The following PRKG1 variants were observed in gnomAD, a reference collection of about 807,000 sequenced individuals.
PRKG1 encodes the protein protein kinase cGMP-dependent 1.
In PRKG1, 35 loss-of-function variants were observed where a neutral mutation model predicts 88.1. The observed-to-expected ratio is 0.40, with a 90% CI of 0.30 to 0.53. The LOEUF (loss-of-function observed/expected upper bound fraction) is 0.53. Among genes scored for constraint, PRKG1 ranks in the 20% least tolerant of loss-of-function variants. PRKG1 has a pLI of 0.59. For missense variants in PRKG1, 540 were observed against 839.8 expected (o/e 0.64, Z 4.41); for synonymous variants, 303 against 292.5 (o/e 1.04, Z -0.37).
At chr10:51,850,633 T>C (rs1840528822) in intron 4 of PRKG1, among the ~76,000 whole-genome samples, 1 of 151,506 alleles carries the variant, frequency 6.6e-6, no homozygotes, top group Non-Finnish European at 1.5e-5. Flanking sequence ...ATGTAAAGAG[T>C]TTCTTGAAAT....
In PRKG1 at chr10:52,166,787, C is replaced by CTATATATATATATA. The variant is rs201538311; in HGVS notation, c.1076+4834_1076+4835insTATATATATATATA. 8.0e-4 allele frequency among the ~76,000 whole-genome samples: 10 copies of CTATATATATATATA among 12,448 alleles called. 1 individual carries two copies. Among genetic ancestry groups the CTATATATATATATA allele is most frequent in the African/African-American group, 1.0e-3 (10 of 9,850 alleles). The allele number at this position is 12,448 out of a possible 152,430, so 8.2% of individuals were successfully genotyped here. On this transcript the variant is annotated intron_variant, in intron 9 of 17. Coordinates refer to ENST00000373980, the MANE Select transcript of PRKG1 (RefSeq NM_006258.4). Reference sequence around the variant, plus strand: ...CAGCTATTTCTTCAAATAAAAAAGCCTATATATATACATATATATATGTAT... The same window carrying CTATATATATATATA: ...CAGCTATTTCTTCAAATAAAAAAGCCTATATATATATATATATATATATACATATATATATGTAT...
intron 5 of PRKG1, among the ~76,000 whole-genome samples, chr10:52,043,889 G>A (rs1845805074): frequency 7.1e-6 from 1 of 141,060 alleles, no homozygotes. Flanking sequence ...TAAGTAAACA[G>A]TGTCATTGAA....
chr10:51,711,870 G>A (rs1332453218), intron 3 of PRKG1, among the ~76,000 whole-genome samples: 1 of 152,114 alleles, frequency 6.6e-6, no homozygotes, highest in African/African-American at 2.4e-5. Context: ...ATAAACCAGG[G>A]GGGTAATGAG....
chr10:51,187,916 A>G (rs1414221839), intron 2 of PRKG1, among the ~76,000 whole-genome samples: 1 of 152,056 alleles, frequency 6.6e-6, no homozygotes, highest in Non-Finnish European at 1.5e-5. Context: ...TATTTGACCT[A>G]TGAGACAAAA....
chr10:51,964,648 A>C (rs554972049), intron 5 of PRKG1, among the ~76,000 whole-genome samples: 1 of 152,214 alleles, frequency 6.6e-6, no homozygotes, highest in Non-Finnish European at 1.5e-5. Flanking sequence ...ATAAAAATAG[A>C]TGATCCAGTT....
At chr10:52,013,729 AC>A (rs375415058) in intron 5 of PRKG1, among the ~76,000 whole-genome samples, 17 of 152,086 alleles carry the variant, frequency 1.1e-4, no homozygotes, top group African/African-American at 4.1e-4. Context: ...TGAAGTGGGG[AC>A]CCCTTGATGA....
At chr10:51,544,438 C>T (rs1453179335) in intron 3 of PRKG1, among the ~76,000 whole-genome samples, 1 of 152,066 alleles carries the variant, frequency 6.6e-6, no homozygotes, top group African/African-American at 2.4e-5. Context: ...GCCACATTTT[C>T]TTAATCCAGT....
chr10:52,042,843 T>C (rs1904002), intron 5 of PRKG1, among the ~76,000 whole-genome samples: 133,548 of 152,076 alleles, frequency 0.88, 58,734 homozygotes, highest in East Asian at 1. Flanking sequence ...CATTAATGTC[T>C]GGTCTATGTA....
intron 1 of PRKG1, among the ~76,000 whole-genome samples, chr10:51,127,752 T>A (rs1366901910): frequency 3.9e-5 from 6 of 152,172 alleles, no homozygotes; most frequent in African/African-American, 1.4e-4. Context: ...ATGTGGTACA[T>A]ATACACCATA....
intron 5 of PRKG1, among the ~76,000 whole-genome samples, chr10:51,986,965 C>T (rs1236716778): frequency 6.6e-6 from 1 of 151,864 alleles, no homozygotes; most frequent in African/African-American, 2.4e-5. Context: ...TTTTATTAGG[C>T]TGATTACTAT....
chr10:51,144,346 CACTT>C (rs1459561073), intron 1 of PRKG1, among the ~76,000 whole-genome samples: 1 of 152,056 alleles, frequency 6.6e-6, no homozygotes, highest in East Asian at 1.9e-4. Context: ...CTCTACCTGT[CACTT>C]ACTATTGTGC....
intron 3 of PRKG1, among the ~76,000 whole-genome samples, chr10:51,761,701 T>A (rs889925124): frequency 6.6e-6 from 1 of 152,256 alleles, no homozygotes; most frequent in African/African-American, 2.4e-5. Context: ...AATTTATTTT[T>A]TTCTTACTAT....
At chr10:51,513,936 A>T (rs1171768861) in intron 3 of PRKG1, among the ~76,000 whole-genome samples, 2 of 138,530 alleles carry the variant, frequency 1.4e-5, no homozygotes, top group African/African-American at 2.8e-5. Context: ...AATTAAAAGA[A>T]CTAGAAAAGC....
At chr10:51,512,265 A>G (rs533604104) in intron 3 of PRKG1, among the ~76,000 whole-genome samples, 2 of 147,376 alleles carry the variant, frequency 1.4e-5, no homozygotes, top group South Asian at 4.3e-4. Context: ...ACATATGTAT[A>G]CATGTGCCAT....
At chr10:51,065,979 T>C (rs1843745083) in intron 1 of PRKG1, among the ~76,000 whole-genome samples, 1 of 152,052 alleles carries the variant, frequency 6.6e-6, no homozygotes, top group South Asian at 2.1e-4. Context: ...AGGGAAGAAC[T>C]GAAGATTTAT....
rs145572593 is a variant in PRKG1, at chr10:52,176,917, T to C, written c.1076+14954T>C. ...TAATGTTAAGGGTTTTTGTGGAGTC[T>C]GTAGTTTTTCTCTATATAAGATCAT... is the stretch of plus-strand genomic sequence containing the variant. On this transcript the variant is annotated intron_variant, in intron 9 of 17. Transcript: ENST00000373980. Among the ~76,000 whole-genome samples the C allele has an allele frequency of 3.3e-5, 5 of 152,276 alleles. No individual in the cohort carries two copies. In the South Asian group the frequency reaches 6.2e-4, roughly 19 times the overall value.
chr10:51,862,250 C>G (rs1255427556), intron 4 of PRKG1, among the ~76,000 whole-genome samples: 1 of 152,160 alleles, frequency 6.6e-6, no homozygotes, highest in Non-Finnish European at 1.5e-5. Flanking sequence ...CATGTCACAG[C>G]TCATTTAGTC....
chr10:51,006,737 T>C (rs960818454), intron 1 of PRKG1, among the ~76,000 whole-genome samples: 2 of 152,082 alleles, frequency 1.3e-5, no homozygotes, highest in African/African-American at 4.8e-5. Flanking sequence ...CATTACAATA[T>C]AAACTTATTA....
chr10:51,963,727 C>T (rs551353283), intron 5 of PRKG1, among the ~76,000 whole-genome samples: 28 of 152,242 alleles, frequency 1.8e-4, no homozygotes, highest in Non-Finnish European at 3.7e-4. Context: ...GGATTACAGG[C>T]GTGAGGCACT....
Sources: gnomAD v4.1 joint callset for allele counts (sites outside exome capture counted in the v4.1 genomes callset) on GRCh38, gnomAD v4.1.1 for gene constraint, MANE v1.5 for transcripts, NCBI Gene and HGNC (gene_info 2026-07-23, HGNC 2026-07-21) for gene names.